The following CCND2 variants were observed in gnomAD, a reference collection of about 807,000 sequenced individuals.
The protein encoded by CCND2 is cyclin D2.
CCND2 carries 6 observed loss-of-function variants against 30.2 expected under a neutral mutation model. The ratio of observed to expected loss-of-function variants is 0.20; its 90% CI spans 0.11 to 0.39. The LOEUF (loss-of-function observed/expected upper bound fraction) is 0.39, where lower values mean the gene tolerates loss of function less well. Ranked by LOEUF, CCND2 falls within the 10% of genes least tolerant of loss-of-function variation. The pLI is 1.00. For synonymous variants in CCND2, 150 were observed against 153.1 expected (o/e 0.98, Z 0.15); for missense variants, 235 against 373.4 (o/e 0.63, Z 3.06).
In CCND2 at chr12:4,276,163, G is replaced by A. The variant is rs1233414806; in HGVS notation, c.354G>A (p.Leu118=). Residue 118 remains leucine, a synonymous_variant, in exon 2 of 5, where the codon CTG becomes CTA. Transcript: ENST00000261254. The surrounding 1 kb of genome is among the most constrained non-coding windows in gnomAD (Gnocchi z 4.8). ...CCAAACTCAAAGAGACCAGCCCGCTGACCGCGGAGAAGCTGTGCATTTACA... is the reference window on the plus strand; with the variant it reads ...CCAAACTCAAAGAGACCAGCCCGCTAACCGCGGAGAAGCTGTGCATTTACA... ...LASKLKETSP[L]TAEKLCIYTD... 1 of 1,614,090 alleles carries A rather than the reference G, an allele frequency of 6.2e-7. No homozygotes were observed. The highest frequency in any genetic ancestry group is 1.3e-5 in the African/African-American group (1 of 74,924).
intron 4 of CCND2, among the ~76,000 whole-genome samples, chr12:4,290,245 G>T (rs753024693): frequency 6.6e-5 from 10 of 152,194 alleles, no homozygotes; most frequent in African/African-American, 2.2e-4. Context: ...GAGAAATGGC[G>T]CAGGGAGATG....
chr12:4,291,448 A>C (rs1351673946), intron 4 of CCND2, among the ~76,000 whole-genome samples: 1 of 152,108 alleles, frequency 6.6e-6, no homozygotes, highest in Non-Finnish European at 1.5e-5. Flanking sequence ...TCTTTACTGA[A>C]GGCCCAGTTG....
At chr12:4,278,957 G>C in intron 3 of CCND2, 38 bp downstream of exon 3, 1 of 1,584,792 alleles carries the variant, frequency 6.3e-7, no homozygotes, top group Non-Finnish European at 8.6e-7. Flanking sequence ...AGATGGGGGA[G>C]CTCTTTTGGG....
chr12:4,279,963 G>A (rs919038274), intron 3 of CCND2, among the ~76,000 whole-genome samples: 7 of 151,370 alleles, frequency 4.6e-5, no homozygotes, highest in Non-Finnish European at 1.0e-4. Flanking sequence ...TCTACGGAAC[G>A]GATGATTATA....
At chr12:4,286,723 G>A (rs1864027979) in intron 3 of CCND2, among the ~76,000 whole-genome samples, 1 of 152,248 alleles carries the variant, frequency 6.6e-6, no homozygotes, top group Admixed American at 6.5e-5. Flanking sequence ...TGCAACCGGT[G>A]CACCTGTTCC....
intron 4 of CCND2, among the ~76,000 whole-genome samples, chr12:4,290,886 G>C (rs1864091893): frequency 6.6e-6 from 1 of 152,178 alleles, no homozygotes; most frequent in South Asian, 2.1e-4. Flanking sequence ...ATATGAAGTG[G>C]GTACGAAGCT....
At chr12:4,295,002 G>T (rs1044104293) in intron 4 of CCND2, among the ~76,000 whole-genome samples, 9 of 152,172 alleles carry the variant, frequency 5.9e-5, no homozygotes, top group Non-Finnish European at 8.8e-5. Flanking sequence ...GGGCGATGTG[G>T]AGTTGGCATG....
At chr12:4,286,365 A>C (rs1241515927) in intron 3 of CCND2, among the ~76,000 whole-genome samples, 1 of 152,214 alleles carries the variant, frequency 6.6e-6, no homozygotes, top group Non-Finnish European at 1.5e-5. Context: ...GGAAAGAGGA[A>C]GTGACTTGCC....
chr12:4,303,959 T>A lies in CCND2; in HGVS notation c.*3950T>A, dbSNP rs1864284764. On this transcript the variant is annotated 3_prime_UTR_variant, in exon 5 of 5. Coordinates refer to ENST00000261254, the MANE Select transcript of CCND2 (RefSeq NM_001759.4). The surrounding 1 kb of genome is among the most constrained non-coding windows in gnomAD (Gnocchi z 4.6). ...ACAACCCTGACAGCATCACGCTGCA[T>A]CCCATTGCTAGCAGGATTGGCAACT... is the stretch of plus-strand genomic sequence containing the variant. 1 of 233,256 alleles carries A rather than the reference T, an allele frequency of 4.3e-6. No individual in the cohort carries two copies. Among genetic ancestry groups the A allele is most frequent in the Admixed American group, 5.6e-5 (1 of 17,776 alleles). 14.4% of individuals were successfully genotyped at this position (233,256 alleles called of 1,614,324 possible).
chr12:4,279,386 A>G (rs1863916898), intron 3 of CCND2, among the ~76,000 whole-genome samples: 1 of 150,804 alleles, frequency 6.6e-6, no homozygotes, highest in Middle Eastern at 3.4e-3. Context: ...AGGGAGACCA[A>G]AGAAATTCTT....
chr12:4,288,047 C>T (rs901707483), intron 3 of CCND2, among the ~76,000 whole-genome samples: 2 of 152,082 alleles, frequency 1.3e-5, no homozygotes. Context: ...ACCGAGTCAC[C>T]CATCTGATTC....
At chr12:4,291,308 G>A (rs1169625682) in intron 4 of CCND2, among the ~76,000 whole-genome samples, 2 of 151,334 alleles carry the variant, frequency 1.3e-5, no homozygotes, top group African/African-American at 4.9e-5. Context: ...ACGCTCAGAG[G>A]GAAGAAAAAT....
intron 3 of CCND2, among the ~76,000 whole-genome samples, chr12:4,283,149 C>A (rs922773733): frequency 2.6e-5 from 4 of 152,218 alleles, no homozygotes; most frequent in Non-Finnish European, 4.4e-5. Context: ...TTGGTAAAAT[C>A]CTACCAAGAA....
chr12:4,288,876 C>T lies in CCND2; in HGVS notation c.606C>T (p.Ile202=), dbSNP rs199552192. Reference sequence around the variant, plus strand: ...TTGCCATGTACCCACCGTCGATGATCGCAACTGGAAGTGTGGGAGCAGCCA... The same window carrying T: ...TTGCCATGTACCCACCGTCGATGATTGCAACTGGAAGTGTGGGAGCAGCCA... ...FKFAMYPPSM[I]ATGSVGAAIC... Residue 202 remains isoleucine (I), a synonymous_variant, in exon 4 of 5, where the codon ATC becomes ATT. Coordinates refer to ENST00000261254, the MANE Select transcript of CCND2 (RefSeq NM_001759.4). 1.4e-5 allele frequency: 22 copies of T among 1,613,514 alleles called. 1 individual carries two copies. The African/African-American group carries it at 1.5e-4, about 11-fold the overall frequency.
At chr12:4,275,967 CA>C in intron 1 of CCND2, 37 bp from the exon 2 acceptor site, 1 of 1,226,830 alleles carries the variant, frequency 8.2e-7, no homozygotes, top group East Asian at 2.4e-5. Flanking sequence ...CTATGCTCTC[CA>C]CCCCCGCCCC....
At chr12:4,288,632 G>T (rs369308324) in intron 3 of CCND2, among the ~76,000 whole-genome samples, 1 of 152,156 alleles carries the variant, frequency 6.6e-6, no homozygotes, top group Admixed American at 6.5e-5. Flanking sequence ...CCCTGCCTCA[G>T]TCTCCTTCGT....
In CCND2 at chr12:4,274,356, A is replaced by T. The variant is rs552336744; in HGVS notation, c.195+121A>T. On this transcript the variant is annotated intron_variant, in intron 1 of 4. Coordinates refer to ENST00000261254, the MANE Select transcript of CCND2 (RefSeq NM_001759.4). This position sits in a 1 kb window ranked among gnomAD's most constrained non-coding sequence, Gnocchi z 7.7. ...GCCGGCCTCCCGGCTCCTGTGCGGG[A>T]GTTTACCGCGCGCCTTCTGGCGAGA... is the stretch of plus-strand genomic sequence containing the variant. The T allele has an allele frequency of 9.6e-7, 1 of 1,042,240 alleles. No homozygotes were observed. The highest frequency in any genetic ancestry group is 2.4e-5 in the East Asian group (1 of 41,302). The allele number at this position is 1,042,240 out of a possible 1,614,324, so 64.6% of individuals were successfully genotyped here.
chr12:4,278,904 G>T lies in CCND2; in HGVS notation c.556G>T (p.Ala186Ser), dbSNP rs1863910143. 6.2e-7 allele frequency: 1 copy of T among 1,613,060 alleles called. No individual in the cohort carries two copies. Among genetic ancestry groups the T allele is most frequent in the African/African-American group, 1.3e-5 (1 of 75,058 alleles). The change falls in exon 3 of 5, where the codon GCT (alanine) becomes TCT (serine). Residue 186 changes from alanine (A) to serine (S), a missense_variant. Ala to Ser is a moderately conservative substitution (Grantham distance 99). This residue lies in a region of CCND2 where 178 missense variants were observed against 322.8 expected (regional missense o/e 0.55). Transcript: ENST00000261254. Reference protein sequence around the residue: ...LIRKHAQTFIALCATDFKFAM... With the variant: ...LIRKHAQTFISLCATDFKFAM... The stretch of plus-strand genomic sequence containing the variant: ...CCGCAAGCATGCTCAGACCTTCATT[G>T]CTCTGTGTGCCACCGGTAAGATGAG...
intron 1 of CCND2, 120 bp from the exon 2 acceptor site, chr12:4,275,885 C>T: frequency 1.6e-6 from 1 of 629,092 alleles, no homozygotes; most frequent in Non-Finnish European, 2.7e-6. Context: ...CCCTCCCCCT[C>T]CCACAAAAAA....
Sources: gnomAD v4.1 joint callset for allele counts (sites outside exome capture counted in the v4.1 genomes callset) on GRCh38, gnomAD v4.1.1 for gene constraint, gnomAD v4.1.1 regional missense constraint, Gnocchi (gnomAD v3.1) non-coding constraint, MANE v1.5 for transcripts, NCBI Gene and HGNC (gene_info 2026-07-23, HGNC 2026-07-21) for gene names.